Variants in FHIT observed in about 807,000 individuals in gnomAD.
FHIT encodes fragile histidine triad diadenosine triphosphatase.
Under a neutral mutation model 17.9 loss-of-function variants are expected in FHIT, and 19 were observed. That is an observed-to-expected ratio of 1.06 (90% CI 0.74 to 1.56). FHIT has a LOEUF of 1.56. Among genes scored for constraint, FHIT ranks in the 40% most tolerant of loss-of-function variants. FHIT has a pLI of 0.00. For synonymous variants in FHIT, 81 were observed against 69.7 expected (o/e 1.16, Z -0.81); for missense variants, 248 against 189.2 (o/e 1.31, Z -1.82).
At chr3:59,779,285 G>C (rs1456763503) in intron 8 of FHIT, among the ~76,000 whole-genome samples, 2 of 152,164 alleles carry the variant, frequency 1.3e-5, no homozygotes, top group African/African-American at 4.8e-5. Context: ...ATATTGTTAA[G>C]GGAAGAGAGA....
intron 5 of FHIT, among the ~76,000 whole-genome samples, chr3:60,047,072 GA>G: frequency 6.6e-6 from 1 of 152,188 alleles, no homozygotes. Context: ...TTCACACAGT[GA>G]ATAGTGACAT....
chr3:60,076,097 T>C (rs1376968183), intron 5 of FHIT, among the ~76,000 whole-genome samples: 2 of 152,134 alleles, frequency 1.3e-5, no homozygotes, highest in Non-Finnish European at 2.9e-5. Context: ...AATACTTTCA[T>C]ACATCAAGAC....
chr3:60,015,328 C>T (rs909831282), intron 5 of FHIT, among the ~76,000 whole-genome samples: 2 of 152,106 alleles, frequency 1.3e-5, no homozygotes, highest in African/African-American at 2.4e-5. Flanking sequence ...TAATTTTGCT[C>T]ATAATCAGGA....
At chr3:60,619,943 A>AT (rs111949080) in intron 4 of FHIT, among the ~76,000 whole-genome samples, 1 of 152,036 alleles carries the variant, frequency 6.6e-6, no homozygotes, top group Non-Finnish European at 1.5e-5. Flanking sequence ...TATCCAAAAT[A>AT]TTTTTTTTAA....
intron 4 of FHIT, among the ~76,000 whole-genome samples, chr3:60,763,553 C>T (rs1359962062): frequency 6.6e-6 from 1 of 152,170 alleles, no homozygotes; most frequent in African/African-American, 2.4e-5. Context: ...TGTCACCGGA[C>T]ATATAGCTAG....
At chr3:60,891,244 T>C (rs1412973638) in intron 3 of FHIT, among the ~76,000 whole-genome samples, 2 of 152,156 alleles carry the variant, frequency 1.3e-5, no homozygotes. Context: ...CATCTTCTTT[T>C]ACCAGCAACC....
chr3:60,844,219 T>C (rs1553745816), intron 3 of FHIT, among the ~76,000 whole-genome samples: 1 of 152,092 alleles, frequency 6.6e-6, no homozygotes, highest in Non-Finnish European at 1.5e-5. Flanking sequence ...AGGAGAAAAG[T>C]TTATTGATTA....
chr3:60,854,543 C>T (rs112428164), intron 3 of FHIT, among the ~76,000 whole-genome samples: 63 of 140,996 alleles, frequency 4.5e-4, no homozygotes, highest in Middle Eastern at 3.7e-3. Context: ...ATGAATGCCC[C>T]AGCCTACTTC....
At chr3:59,988,015 AG>A (rs144454392) in intron 7 of FHIT, among the ~76,000 whole-genome samples, 16,961 of 152,064 alleles carry the variant, frequency 0.11, 1,063 homozygotes, top group South Asian at 0.2. Context: ...TGACTGTAAA[AG>A]TCCCTCTCTT....
intron 1 of FHIT, among the ~76,000 whole-genome samples, chr3:61,204,502 T>A (rs775753690): frequency 5.9e-5 from 9 of 152,118 alleles, no homozygotes; most frequent in Non-Finnish European, 1.2e-4. Flanking sequence ...CGATTCTCTA[T>A]ACAACATTGA....
At chr3:60,440,088 C>T (rs1359019119) in intron 5 of FHIT, among the ~76,000 whole-genome samples, 1 of 152,084 alleles carries the variant, frequency 6.6e-6, no homozygotes, top group Admixed American at 6.6e-5. Context: ...TTTATATGCA[C>T]AACAGAGGTA....
chr3:61,244,748 T>C (rs1383585266), intron 1 of FHIT, among the ~76,000 whole-genome samples: 1 of 152,238 alleles, frequency 6.6e-6, no homozygotes, highest in Non-Finnish European at 1.5e-5. Context: ...GGTCTTGCTA[T>C]GTTTCCTCCC....
chr3:60,443,768 C>A (rs980539397), intron 5 of FHIT, among the ~76,000 whole-genome samples: 6 of 152,184 alleles, frequency 3.9e-5, no homozygotes, highest in African/African-American at 1.2e-4. Flanking sequence ...GCTTTGGTAT[C>A]AGGATGATGC....
At chr3:60,417,208 T>C (rs760563336) in intron 5 of FHIT, among the ~76,000 whole-genome samples, 13 of 152,170 alleles carry the variant, frequency 8.5e-5, no homozygotes, top group Non-Finnish European at 1.3e-4. Context: ...GCTAATACTA[T>C]GTTAGCAAAA....
chr3:60,195,546 G>GATATATATATAT (rs1223456537), intron 5 of FHIT, among the ~76,000 whole-genome samples: 3 of 18,890 alleles, frequency 1.6e-4, no homozygotes, highest in East Asian at 8.5e-3. Flanking sequence ...AGGAAAATGT[G>GATATATATATAT]ATATATATAT....
chr3:60,148,893 C>A (rs980323773), intron 5 of FHIT, among the ~76,000 whole-genome samples: 1 of 152,028 alleles, frequency 6.6e-6, no homozygotes, highest in Admixed American at 6.6e-5. Flanking sequence ...TAAACGTGAC[C>A]CTAATTTTCA....
intron 5 of FHIT, among the ~76,000 whole-genome samples, chr3:60,488,279 AGT>A (rs1285044944): frequency 2.0e-5 from 3 of 152,150 alleles, no homozygotes; most frequent in Admixed American, 6.5e-5. Flanking sequence ...TTATGTTCCT[AGT>A]GTGTTCCAGG....
intron 8 of FHIT, among the ~76,000 whole-genome samples, chr3:59,879,595 C>G (rs974902233): frequency 2.0e-5 from 3 of 152,088 alleles, no homozygotes; most frequent in African/African-American, 7.2e-5. Flanking sequence ...CAAAACCGGA[C>G]TGCTCCAAAA....
At chr3:60,648,881 G>T (rs2107803578) in intron 4 of FHIT, among the ~76,000 whole-genome samples, 1 of 152,320 alleles carries the variant, frequency 6.6e-6, no homozygotes, top group South Asian at 2.1e-4. Context: ...GGTTCACTCA[G>T]TGATAAGGGG....
Sources: gnomAD v4.1 joint callset for allele counts (sites outside exome capture counted in the v4.1 genomes callset) on GRCh38, gnomAD v4.1.1 for gene constraint, MANE v1.5 for transcripts, NCBI Gene and HGNC (gene_info 2026-07-23, HGNC 2026-07-21) for gene names.